The following KCNMA1 variants were observed in gnomAD, a reference collection of about 807,000 sequenced individuals.
KCNMA1 encodes the protein Calcium-activated potassium channel subunit alpha-1.
In KCNMA1, 29 loss-of-function variants were observed where a neutral mutation model predicts 140.0. That is an observed-to-expected ratio of 0.21 (90% CI 0.15 to 0.28). The LOEUF (loss-of-function observed/expected upper bound fraction) is 0.28, where lower values mean the gene tolerates loss of function less well. KCNMA1 is among the 10% of genes least tolerant of loss of function. The probability of loss-of-function intolerance (pLI) is 1.00; values close to 1 mark genes in which losing one functional copy is unlikely to be tolerated. For missense variants in KCNMA1, 880 were observed against 1,602.2 expected (o/e 0.55, Z 7.70); for synonymous variants, 612 against 611.9 (o/e 1.00, Z 0.00).
rs372800012 is a variant in KCNMA1 at position 77,125,876 on chromosome 10, T to C, written c.809-4828A>G. Among the ~76,000 whole-genome samples, 19 of 152,308 alleles carry C rather than the reference T, an allele frequency of 1.2e-4. No homozygotes were observed. The East Asian group carries it at 2.7e-3, about 22-fold the overall frequency. ...CCACATTCAGAATTCTGAGACTATATGTTGCCTACTAAAGGGAAAAGCCAG... is the reference window on the plus strand; with the variant it reads ...CCACATTCAGAATTCTGAGACTATACGTTGCCTACTAAAGGGAAAAGCCAG... On this transcript the variant is annotated intron_variant, in intron 5 of 27. Coordinates refer to ENST00000286628, the MANE Select transcript of KCNMA1 (RefSeq NM_001161352.2).
intron 4 of KCNMA1, among the ~76,000 whole-genome samples, 197 bp from the exon 5 acceptor site, chr10:77,183,729 C>G (rs989429137): frequency 6.6e-6 from 1 of 152,088 alleles, no homozygotes; most frequent in African/African-American, 2.4e-5. Flanking sequence ...TCAGGTGATC[C>G]ACTCGCCTCA....
chr10:76,988,010 TG>T (rs2081756644), intron 19 of KCNMA1, among the ~76,000 whole-genome samples: 1 of 152,088 alleles, frequency 6.6e-6, no homozygotes. Context: ...GAAGAAGAAA[TG>T]AGCATGTGAG....
intron 14 of KCNMA1, among the ~76,000 whole-genome samples, chr10:77,065,175 G>A (rs1224015731): frequency 6.6e-6 from 1 of 152,152 alleles, no homozygotes; most frequent in East Asian, 1.9e-4. Context: ...TAGGCACTGA[G>A]GATTCAGCAA....
intron 2 of KCNMA1, among the ~76,000 whole-genome samples, chr10:77,302,547 T>A (rs1482249969): frequency 6.6e-6 from 1 of 152,106 alleles, no homozygotes; most frequent in East Asian, 1.9e-4. Context: ...AGGGTCCCAA[T>A]TTCTTGTCCC....
chr10:77,216,754 A>C (rs2047913331), intron 3 of KCNMA1, among the ~76,000 whole-genome samples: 2 of 152,372 alleles, frequency 1.3e-5, no homozygotes, highest in South Asian at 4.1e-4. Flanking sequence ...AAATTTTATC[A>C]AATGAGTATT....
rs2069948645 is a variant in KCNMA1 at position 77,569,404 on chromosome 10, C to T, written c.378+67861G>A. Among the ~76,000 whole-genome samples the T allele has an allele frequency of 2.2e-5, 3 of 133,348 alleles. No individual in the cohort carries two copies. In the Admixed American group the frequency reaches 2.4e-4, roughly 10 times the overall value. 87.5% of individuals were successfully genotyped at this position (133,348 alleles called of 152,430 possible). A position where few individuals can be genotyped will look rare whatever the true frequency, so the allele number is the denominator to read the frequency against. ...AAAACAGAGATATAGATCAATGGAA[C>T]AGAACAGAGCCCTCAGAAATAACGC... On this transcript the variant is annotated intron_variant, in intron 1 of 27. Coordinates refer to ENST00000286628, the MANE Select transcript of KCNMA1 (RefSeq NM_001161352.2).
intron 1 of KCNMA1, among the ~76,000 whole-genome samples, chr10:77,485,915 A>G (rs1439839442): frequency 6.6e-6 from 1 of 152,084 alleles, no homozygotes; most frequent in African/African-American, 2.4e-5. Flanking sequence ...ACTGAAACAC[A>G]CTAGAATGTT....
intron 20 of KCNMA1, among the ~76,000 whole-genome samples, chr10:76,954,548 G>T (rs554385091): frequency 2.6e-5 from 4 of 152,314 alleles, no homozygotes; most frequent in Admixed American, 2.6e-4. Flanking sequence ...TCAGCAGCAT[G>T]TCACTTCAGA....
chr10:77,065,374 T>A (rs2095893361), intron 14 of KCNMA1, among the ~76,000 whole-genome samples: 1 of 152,276 alleles, frequency 6.6e-6, no homozygotes, highest in African/African-American at 2.4e-5. Context: ...CATCCCCCAA[T>A]GAAGCTGAGA....
intron 2 of KCNMA1, among the ~76,000 whole-genome samples, chr10:77,377,762 G>A (rs2095219470): frequency 6.6e-6 from 1 of 152,170 alleles, no homozygotes; most frequent in Non-Finnish European, 1.5e-5. Context: ...GGCTATGGAG[G>A]CAGACCACTT....
chr10:77,153,377 CTTTT>C (rs2098446577), intron 5 of KCNMA1, among the ~76,000 whole-genome samples: 1 of 151,782 alleles, frequency 6.6e-6, no homozygotes, highest in Admixed American at 6.6e-5. Context: ...TTTTCTTTTT[CTTTT>C]TGTTTTTTGA....
At chr10:76,892,525 A>G (rs1380346035) in intron 25 of KCNMA1, among the ~76,000 whole-genome samples, 4 of 152,352 alleles carry the variant, frequency 2.6e-5, no homozygotes, top group African/African-American at 9.6e-5. Flanking sequence ...AAGGGTGTGC[A>G]TTCCATTTTC....
chr10:77,138,919 G>A (rs1475602043), intron 5 of KCNMA1, among the ~76,000 whole-genome samples: 3 of 152,110 alleles, frequency 2.0e-5, no homozygotes, highest in Non-Finnish European at 4.4e-5. Flanking sequence ...CCAGTCCTTC[G>A]CCGCCATTAT....
At chr10:77,637,083 C>G in intron 1 of KCNMA1, 182 bp downstream of exon 1, 1 of 1,327,794 alleles carries the variant, frequency 7.5e-7, no homozygotes, top group Non-Finnish European at 9.9e-7. Context: ...TCACCCCCGG[C>G]GCGCCGCCCG....
intron 2 of KCNMA1, among the ~76,000 whole-genome samples, chr10:77,368,264 C>T (rs143392542): frequency 7.9e-5 from 12 of 152,296 alleles, no homozygotes; most frequent in East Asian, 1.9e-4. Flanking sequence ...CTCATCATTG[C>T]TTACACTTGC....
intron 1 of KCNMA1, among the ~76,000 whole-genome samples, chr10:77,626,319 G>A (rs1401765090): frequency 6.6e-6 from 1 of 151,992 alleles, no homozygotes; most frequent in Non-Finnish European, 1.5e-5. Flanking sequence ...GATCGGCTGT[G>A]GCTGCCACAA....
At position 76,942,162 on chromosome 10, in the gene KCNMA1, T is replaced by C. The variant is rs190174423; in HGVS notation, c.2902+2611A>G. Among the ~76,000 whole-genome samples, 35 of 152,030 alleles carry C rather than the reference T, an allele frequency of 2.3e-4. No homozygotes were observed. The East Asian group carries it at 6.4e-3, about 28-fold the overall frequency. Reference sequence around the variant, plus strand: ...AACTTTTTTGTATTTTTAGTAGAGATTGGGTTTCGCCATGTTGGCCAAGTG... The same window carrying C: ...AACTTTTTTGTATTTTTAGTAGAGACTGGGTTTCGCCATGTTGGCCAAGTG... On this transcript the variant is annotated intron_variant, in intron 23 of 27. Coordinates refer to ENST00000286628, the MANE Select transcript of KCNMA1 (RefSeq NM_001161352.2).
chr10:77,290,674 G>T (rs1220083421), intron 2 of KCNMA1, among the ~76,000 whole-genome samples: 1 of 152,194 alleles, frequency 6.6e-6, no homozygotes, highest in Non-Finnish European at 1.5e-5. Flanking sequence ...AATGAAGGCT[G>T]AAGAAATTCT....
intron 20 of KCNMA1, among the ~76,000 whole-genome samples, chr10:76,965,524 G>T (rs1478727899): frequency 6.6e-6 from 1 of 152,160 alleles, no homozygotes; most frequent in Non-Finnish European, 1.5e-5. Flanking sequence ...ACCTTCAGGG[G>T]TTCCCTAATG....
Sources: gnomAD v4.1 joint callset for allele counts (sites outside exome capture counted in the v4.1 genomes callset) on GRCh38, gnomAD v4.1.1 for gene constraint, MANE v1.5 for transcripts, NCBI Gene and HGNC (gene_info 2026-07-23, HGNC 2026-07-21) for gene names.